Variants in SCUBE2 observed in about 807,000 individuals in gnomAD.
SCUBE2 encodes the protein signal peptide, CUB domain and EGF like domain containing 2.
A neutral mutation model predicts 125.9 loss-of-function variants in SCUBE2; 114 were observed. The ratio of observed to expected loss-of-function variants is 0.91; its 90% confidence interval spans 0.78 to 1.06. SCUBE2 has a LOEUF of 1.06. SCUBE2 is among the 50% of genes least tolerant of loss of function. SCUBE2 has a pLI of 0.00. For synonymous variants in SCUBE2, 459 were observed against 492.9 expected, an observed-to-expected ratio of 0.93 and a Z score of 0.91; for missense variants, 1,255 against 1,301.8, an observed-to-expected ratio of 0.96 and a Z score of 0.55.
At chr11:9,037,544 C>T (rs1490758103) in intron 16 of SCUBE2, among the ~76,000 whole-genome samples, 1 of 152,222 alleles carries the variant, frequency 6.6e-6, no homozygotes, top group Non-Finnish European at 1.5e-5. Context: ...TATTTGACTG[C>T]TTTCTTAAGA....
intron 4 of SCUBE2, among the ~76,000 whole-genome samples, chr11:9,072,369 C>T (rs1029556325): frequency 9.2e-5 from 14 of 152,250 alleles, no homozygotes; most frequent in East Asian, 5.8e-4. Flanking sequence ...CCACCACGCC[C>T]GGCTAATTTT....
chr11:9,056,622 G>A (rs1859111804), intron 9 of SCUBE2, among the ~76,000 whole-genome samples: 1 of 152,140 alleles, frequency 6.6e-6, no homozygotes, highest in African/African-American at 2.4e-5. Context: ...AAGCCTCCTT[G>A]GCTGCAGCGG....
Position 9,027,633 on chromosome 11 carries a change from GCCCCGCAGCA to G in SCUBE2, c.2504-82_2504-73del, listed in dbSNP as rs1855905573. 5 of 1,352,214 alleles carry G rather than the reference GCCCCGCAGCA, an allele frequency of 3.7e-6. No individual in the cohort carries two copies. The East Asian group carries it at 1.2e-4, about 32-fold the overall frequency. 83.8% of individuals were successfully genotyped at this position (1,352,214 alleles called of 1,614,324 possible). ...GTCCTGACCACCGCTAGCTTGCCGA[GCCCCGCAGCA>G]CCCCTGTTGCCACCCAGGAATGGGG... On this transcript the variant is annotated intron_variant, in intron 19 of 22. Coordinates refer to ENST00000649792, the MANE Select transcript of SCUBE2 (RefSeq NM_001367977.2).
In SCUBE2 at chr11:9,091,370, G is replaced by T. The variant is rs1590181403; in HGVS notation, c.133+26C>A. Reference sequence around the variant, plus strand: ...TTCCTGGCCCTGCCTGCTGTGCCAGGTGCGCCCCCGCGGCCGGACACTCAC... The same window carrying T: ...TTCCTGGCCCTGCCTGCTGTGCCAGTTGCGCCCCCGCGGCCGGACACTCAC... On this transcript the variant is annotated intron_variant, in intron 1 of 22. Transcript: ENST00000649792. The surrounding 1 kb of genome is among the most constrained non-coding windows in gnomAD (Gnocchi z 8.5). 1 of 1,299,378 alleles carries T rather than the reference G, an allele frequency of 7.7e-7. No individual in the cohort carries two copies. The highest frequency in any genetic ancestry group is 2.5e-5 in the South Asian group (1 of 40,784). The allele number at this position is 1,299,378 out of a possible 1,614,324, so 80.5% of individuals were successfully genotyped here. A position where few individuals can be genotyped will look rare whatever the true frequency, so the allele number is the denominator to read the frequency against.
intron 8 of SCUBE2, among the ~76,000 whole-genome samples, chr11:9,059,998 A>G (rs1260304625): frequency 2.6e-5 from 4 of 152,194 alleles, no homozygotes; most frequent in Non-Finnish European, 4.4e-5. Flanking sequence ...TCATCAGTAA[A>G]AGTTAATGGT....
At chr11:9,023,963 G>C (rs1382566489) in intron 21 of SCUBE2, among the ~76,000 whole-genome samples, 3 of 151,666 alleles carry the variant, frequency 2.0e-5, no homozygotes, top group African/African-American at 4.9e-5. Flanking sequence ...TATCCTTCTG[G>C]GTTTGAAAAG....
At chr11:9,061,902 T>C (rs930338813) in intron 7 of SCUBE2, among the ~76,000 whole-genome samples, 1 of 152,032 alleles carries the variant, frequency 6.6e-6, no homozygotes, top group African/African-American at 2.4e-5. Context: ...GAATTGGAGG[T>C]ATCAAGTTAT....
rs1291258505 is a variant in SCUBE2 at position 9,035,712 on chromosome 11, T to TA, written c.2003-1917dup. Among the ~76,000 whole-genome samples the TA allele has an allele frequency of 9.1e-4, 136 of 149,712 alleles. 1 individual carries two copies. Among genetic ancestry groups the TA allele is most frequent in the East Asian group, 5.8e-4 (3 of 5,152 alleles). ...CTTTTCATTATTCATTCCAAAATCT[T>TA]AAAAAAAAAATCAGGCTTTTGGATC... is the stretch of plus-strand genomic sequence containing the variant. On this transcript the variant is annotated intron_variant, in intron 16 of 22. Coordinates refer to ENST00000649792, the MANE Select transcript of SCUBE2 (RefSeq NM_001367977.2).
chr11:9,078,651 G>A (rs150213260), intron 3 of SCUBE2, among the ~76,000 whole-genome samples: 283 of 152,316 alleles, frequency 1.9e-3, no homozygotes, highest in African/African-American at 6.5e-3. Flanking sequence ...ATGAAGGGTC[G>A]TGAGTGTCAA....
intron 2 of SCUBE2, 59 bp from the exon 3 acceptor site, chr11:9,079,568 T>C: frequency 6.4e-7 from 1 of 1,556,632 alleles, no homozygotes. Context: ...TGAAAACATA[T>C]GCACTTACCT....
At chr11:9,025,894 A>C in intron 20 of SCUBE2, 40 bp from the exon 21 acceptor site, 1 of 1,597,686 alleles carries the variant, frequency 6.3e-7, no homozygotes, top group Non-Finnish European at 8.5e-7. Flanking sequence ...TTCAAGACTC[A>C]TCACTGATCA....
intron 13 of SCUBE2, 68 bp from the exon 14 acceptor site, chr11:9,050,778 C>A (rs1426179897): frequency 8.1e-7 from 1 of 1,241,300 alleles, no homozygotes; most frequent in African/African-American, 1.5e-5. Flanking sequence ...AGATGGGAAG[C>A]AGCAAGCTGT....
chr11:9,054,712 TATATATATA>T (rs1858846125), intron 10 of SCUBE2, among the ~76,000 whole-genome samples: 2 of 76,090 alleles, frequency 2.6e-5, no homozygotes, highest in Non-Finnish European at 5.3e-5. Context: ...TATATATATA[TATATATATA>T]TATATTTTTT....
chr11:9,052,974 C>A, intron 12 of SCUBE2, 125 bp downstream of exon 12: 1 of 1,046,000 alleles, frequency 9.6e-7, no homozygotes, highest in Non-Finnish European at 1.4e-6. Context: ...ATGGACCTCT[C>A]AAAGCACGGT....
intron 14 of SCUBE2, 37 bp from the exon 15 acceptor site, chr11:9,048,135 T>C (rs144315141): frequency 2.0e-5 from 32 of 1,589,962 alleles, no homozygotes; most frequent in African/African-American, 9.5e-5. Flanking sequence ...AGCCAAATCC[T>C]GGCAAAGCAC....
chr11:9,068,539 T>C (rs1230737162), intron 5 of SCUBE2, among the ~76,000 whole-genome samples: 1 of 152,182 alleles, frequency 6.6e-6, no homozygotes, highest in Non-Finnish European at 1.5e-5. Flanking sequence ...CCCAGAGCTA[T>C]ACAGCTGAGG....
chr11:9,032,252 A>G (rs1229478936), intron 17 of SCUBE2, among the ~76,000 whole-genome samples: 1 of 151,928 alleles, frequency 6.6e-6, no homozygotes, highest in Non-Finnish European at 1.5e-5. Context: ...TAAGTAGCTG[A>G]GATTACCATG....
chr11:9,060,955 G>A (rs557756267), intron 7 of SCUBE2, among the ~76,000 whole-genome samples: 16 of 152,226 alleles, frequency 1.1e-4, no homozygotes, highest in African/African-American at 3.6e-4. Context: ...GGTAAGCATC[G>A]CCGCCCCAAC....
At chr11:9,083,174 A>T (rs1337468157) in intron 2 of SCUBE2, among the ~76,000 whole-genome samples, 2 of 151,404 alleles carry the variant, frequency 1.3e-5, no homozygotes, top group African/African-American at 4.8e-5. Context: ...GAATAAGGGA[A>T]ATGCATGGAA....
Sources: gnomAD v4.1 joint callset for allele counts (sites outside exome capture counted in the v4.1 genomes callset) on GRCh38, gnomAD v4.1.1 for gene constraint, Gnocchi (gnomAD v3.1) non-coding constraint, MANE v1.5 for transcripts, NCBI Gene and HGNC (gene_info 2026-07-23, HGNC 2026-07-21) for gene names.